FAM83B: variants seen among roughly 807,000 people sequenced by gnomAD.
FAM83B encodes the protein protein FAM83B.
A neutral mutation model predicts 38.8 loss-of-function variants in FAM83B; 26 were observed. That is an observed-to-expected ratio of 0.67 (90% CI 0.49 to 0.93). The LOEUF (loss-of-function observed/expected upper bound fraction) is 0.93. Among genes scored for constraint, FAM83B ranks in the 40% least tolerant of loss-of-function variants. FAM83B has a pLI of 0.00. For synonymous variants in FAM83B, 419 were observed against 423.1 expected (o/e 0.99, Z 0.12); for missense variants, 1,237 against 1,197.3 (o/e 1.03, Z -0.49).
chr6:54,935,419 A>C (rs1773504905), intron 4 of FAM83B, among the ~76,000 whole-genome samples: 1 of 152,118 alleles, frequency 6.6e-6, no homozygotes, highest in Non-Finnish European at 1.5e-5. Context: ...GTGATCATAA[A>C]TGTCTTCTAA....
Position 54,860,490 on chromosome 6 carries a change from TA to T in FAM83B, c.-60-9695del, listed in dbSNP as rs1408803567. 3.3e-5 allele frequency among the ~76,000 whole-genome samples: 5 copies of T among 152,218 alleles called. No homozygotes were observed. The East Asian group carries it at 9.6e-4, about 29-fold the overall frequency. On this transcript the variant is annotated intron_variant, in intron 1 of 4. Transcript: ENST00000306858. ...ACTAGAATATCCTAAAAAAATCTTG[TA>T]AGAGAAGTACAAAGTGGAGAACTTA...
chr6:54,895,364 A>T (rs1772504263), intron 2 of FAM83B, among the ~76,000 whole-genome samples: 2 of 152,200 alleles, frequency 1.3e-5, no homozygotes, highest in Non-Finnish European at 2.9e-5. Flanking sequence ...CTTGCATAAA[A>T]TTCTATTATA....
rs988806859 is a variant in FAM83B, at chr6:54,856,451, G to A, written c.-61+9625G>A. 2.6e-5 allele frequency among the ~76,000 whole-genome samples: 4 copies of A among 152,192 alleles called. No homozygotes were observed. In the East Asian group the frequency reaches 7.7e-4, roughly 29 times the overall value. On this transcript the variant is annotated intron_variant, in intron 1 of 4. Coordinates refer to ENST00000306858, the MANE Select transcript of FAM83B (RefSeq NM_001010872.3). ...TGCAGTCTTGCAAGTTAGCCCTGCT[G>A]TCAGAAGAATTGAGCACAATTGTAG...
Position 54,870,199 on chromosome 6 carries a change from A to G in FAM83B, c.-48A>G. 2 of 1,417,060 alleles carry G rather than the reference A, an allele frequency of 1.4e-6. No individual in the cohort carries two copies. Among genetic ancestry groups the G allele is most frequent in the Non-Finnish European group, 2.0e-6 (2 of 1,012,898 alleles). 87.8% of individuals were successfully genotyped at this position (1,417,060 alleles called of 1,614,324 possible). A position where few individuals can be genotyped will look rare whatever the true frequency, so the allele number is the denominator to read the frequency against. ...TTTCAAATACCAGATACTTCTCACC[A>G]CTGCATGAATGGACATTTGAAAGTG... On this transcript the variant is annotated 5_prime_UTR_variant, in exon 2 of 5. Coordinates refer to ENST00000306858, the MANE Select transcript of FAM83B (RefSeq NM_001010872.3).
At chr6:54,872,143 A>G (rs762419521) in intron 2 of FAM83B, among the ~76,000 whole-genome samples, 1 of 152,192 alleles carries the variant, frequency 6.6e-6, no homozygotes, top group Non-Finnish European at 1.5e-5. Context: ...AATTCCTTTA[A>G]CAGTATTATA....
At chr6:54,935,070 A>G (rs898518038) in intron 4 of FAM83B, among the ~76,000 whole-genome samples, 1 of 152,188 alleles carries the variant, frequency 6.6e-6, no homozygotes, top group Non-Finnish European at 1.5e-5. Context: ...CTGCATGATA[A>G]TCCAGATTTA....
intron 4 of FAM83B, among the ~76,000 whole-genome samples, chr6:54,939,376 T>G (rs945150248): frequency 9.2e-5 from 14 of 152,092 alleles, no homozygotes; most frequent in African/African-American, 3.4e-4. Flanking sequence ...ATTTTGGGAT[T>G]GTTTCTTCTT....
chr6:54,878,310 C>T (rs1231449534), intron 2 of FAM83B, among the ~76,000 whole-genome samples: 1 of 152,050 alleles, frequency 6.6e-6, no homozygotes, highest in Non-Finnish European at 1.5e-5. Context: ...ATTAAAGTAC[C>T]AAAGAAACCC....
intron 2 of FAM83B, among the ~76,000 whole-genome samples, chr6:54,917,670 C>G (rs943879394): frequency 6.6e-6 from 1 of 151,996 alleles, no homozygotes; most frequent in Non-Finnish European, 1.5e-5. Flanking sequence ...TCATTTTCTC[C>G]ATAATAAGTT....
chr6:54,941,193 C>T lies in FAM83B; in HGVS notation c.2222C>T (p.Ala741Val). 6.2e-7 allele frequency: 1 copy of T among 1,613,992 alleles called. No individual in the cohort carries two copies. The highest frequency in any genetic ancestry group is 8.5e-7 in the Non-Finnish European group (1 of 1,179,984). The change falls in exon 5 of 5, where the codon GCT (alanine) becomes GTT (valine). Residue 741 changes from alanine to valine, a missense_variant. Coordinates refer to ENST00000306858, the MANE Select transcript of FAM83B (RefSeq NM_001010872.3). ...ACTACTACCAAATCAGTTTCCATTG[C>T]TGCTTTACTTGATGTGAATAAAGAG... is the stretch of plus-strand genomic sequence containing the variant. The part of the protein sequence containing the change: ...SGTTTKSVSI[A>V]ALLDVNKEES...
intron 1 of FAM83B, among the ~76,000 whole-genome samples, chr6:54,867,112 T>C (rs565135805): frequency 6.6e-6 from 1 of 151,714 alleles, no homozygotes; most frequent in Non-Finnish European, 1.5e-5. Flanking sequence ...TCATTAACTC[T>C]ACTGTGTATG....
chr6:54,938,585 T>C (rs1044946493), intron 4 of FAM83B, among the ~76,000 whole-genome samples: 2 of 152,210 alleles, frequency 1.3e-5, no homozygotes, highest in African/African-American at 4.8e-5. Context: ...TGGTACCTCA[T>C]TGTGGGCTTA....
chr6:54,941,943 C>G lies in FAM83B; in HGVS notation c.2972C>G (p.Pro991Arg). The change falls in exon 5 of 5, where the codon CCC (proline) becomes CGC (arginine). Residue 991 changes from proline (P) to arginine (R), a missense_variant. Transcript: ENST00000306858. ...YNTGVYRSYQ[P>R]NENKFRGFMQ... is the part of the protein sequence containing the mutation. The stretch of plus-strand genomic sequence containing the variant: ...ACTGGTGTTTATCGCTCATATCAAC[C>G]CAATGAGAACAAGTTTCGAGGATTT... 6.2e-7 allele frequency: 1 copy of G among 1,612,470 alleles called. No homozygotes were observed. Among genetic ancestry groups the G allele is most frequent in the Non-Finnish European group, 8.5e-7 (1 of 1,179,484 alleles).
chr6:54,873,229 T>C lies in FAM83B; in HGVS notation c.444+2539T>C, dbSNP rs77298477. On this transcript the variant is annotated intron_variant, in intron 2 of 4. Transcript: ENST00000306858. ...AGATGCAATAAATATTGAAGTCAAATTGGTTATCTTTGCATGGAATATGTA... is the reference window on the plus strand; with the variant it reads ...AGATGCAATAAATATTGAAGTCAAACTGGTTATCTTTGCATGGAATATGTA... 6.2e-3 allele frequency among the ~76,000 whole-genome samples: 940 copies of C among 152,146 alleles called. 10 individuals carry two copies. The highest frequency in any genetic ancestry group is 0.021 in the African/African-American group (864 of 41,502).
At chr6:54,869,843 C>T (rs1340639107) in intron 1 of FAM83B, among the ~76,000 whole-genome samples, 2 of 152,210 alleles carry the variant, frequency 1.3e-5, no homozygotes, top group Non-Finnish European at 2.9e-5. Flanking sequence ...GTTTTGTGCT[C>T]TTAACATTAC....
intron 1 of FAM83B, among the ~76,000 whole-genome samples, chr6:54,854,104 T>C (rs1475438885): frequency 6.6e-6 from 1 of 152,200 alleles, no homozygotes; most frequent in Admixed American, 6.5e-5. Flanking sequence ...TGTGGCTTAG[T>C]TTTTTCAGTG....
At chr6:54,933,392 G>GT (rs930616986) in intron 4 of FAM83B, among the ~76,000 whole-genome samples, 24 of 151,146 alleles carry the variant, frequency 1.6e-4, no homozygotes, top group South Asian at 8.4e-4. Context: ...TGTTGTTGAT[G>GT]TTTTTTTTGT....
chr6:54,870,816 G>A (rs1771836177), intron 2 of FAM83B, 126 bp downstream of exon 2: 2 of 919,214 alleles, frequency 2.2e-6, no homozygotes, highest in Non-Finnish European at 3.2e-6. Context: ...TTGTTTTTAG[G>A]AAAGTACCTA....
intron 4 of FAM83B, among the ~76,000 whole-genome samples, chr6:54,928,575 A>C (rs951718346): frequency 6.6e-6 from 1 of 152,192 alleles, no homozygotes; most frequent in African/African-American, 2.4e-5. Flanking sequence ...TTTTAAAAAA[A>C]CATGCTGTTT....
Sources: gnomAD v4.1 joint callset for allele counts (sites outside exome capture counted in the v4.1 genomes callset) on GRCh38, gnomAD v4.1.1 for gene constraint, MANE v1.5 for transcripts, NCBI Gene and HGNC (gene_info 2026-07-23, HGNC 2026-07-21) for gene names.